Variants in DSTYK observed in about 807,000 individuals in gnomAD.
The protein encoded by DSTYK is RIP-homologous kinase.
DSTYK carries 34 observed loss-of-function variants against 98.7 expected under a neutral mutation model. The observed-to-expected ratio is 0.34, with a 90% CI of 0.26 to 0.46. The LOEUF is 0.46. Ranked by LOEUF, DSTYK falls within the 20% of genes least tolerant of loss-of-function variation. The pLI is 1.00. For synonymous variants in DSTYK, 462 were observed against 457.3 expected, an observed-to-expected ratio of 1.01 and a Z score of -0.13; for missense variants, 962 against 1,181.7, an observed-to-expected ratio of 0.81 and a Z score of 2.73.
Position 205,157,312 on chromosome 1 carries a change from C to T in DSTYK, c.2313G>A (p.Gln771=). Reference sequence around the variant, plus strand: ...GTTTGATATCACGATGGACAAGTCCCTGGCTGTGCAGGAAGCGGATTCCCT... The same window carrying T: ...GTTTGATATCACGATGGACAAGTCCTTGGCTGTGCAGGAAGCGGATTCCCT... The part of the protein sequence containing the change: ...VVEGIRFLHS[Q]GLVHRDIKLK... Residue 771 remains glutamine, a synonymous_variant, in exon 10 of 13, where the codon CAG becomes CAA. Coordinates refer to ENST00000367162, the MANE Select transcript of DSTYK (RefSeq NM_015375.3). 3 of 1,614,128 alleles carry T rather than the reference C, an allele frequency of 1.9e-6. No homozygotes were observed. The highest frequency in any genetic ancestry group is 2.2e-5 in the South Asian group (2 of 91,076).
intron 1 of DSTYK, 136 bp from the exon 2 acceptor site, chr1:205,187,942 T>C: frequency 1.2e-6 from 1 of 837,650 alleles, no homozygotes; most frequent in South Asian, 1.9e-5. Context: ...GGAACCTTGG[T>C]TGAAGGACAT....
chr1:205,165,157 G>A (rs912252976), intron 3 of DSTYK, among the ~76,000 whole-genome samples: 22 of 151,970 alleles, frequency 1.4e-4, no homozygotes, highest in African/African-American at 5.1e-4. Context: ...GCAGTGGCAC[G>A]ATCTCGGCTC....
In DSTYK at chr1:205,155,830, T is replaced by C. The variant is rs1201686413; in HGVS notation, c.2352+1443A>G. On this transcript the variant is annotated intron_variant, in intron 10 of 12. Transcript: ENST00000367162. Reference sequence around the variant, plus strand: ...CAGAGACCTTAACAGCAGCCCCTCCTATGACAGGCCTGGAGGTCTAGGAGG... The same window carrying C: ...CAGAGACCTTAACAGCAGCCCCTCCCATGACAGGCCTGGAGGTCTAGGAGG... Among the ~76,000 whole-genome samples, 6 of 152,188 alleles carry C rather than the reference T, an allele frequency of 3.9e-5. No individual in the cohort carries two copies. In the East Asian group the frequency reaches 1.2e-3, roughly 29 times the overall value.
Position 205,148,312 on chromosome 1 carries a change from T to C in DSTYK, c.2495A>G (p.Tyr832Cys). Residue 832 changes from tyrosine (Y) to cysteine (C), a missense_variant, in exon 12 of 13, where the codon TAC becomes TGC. By Grantham distance (194) the Tyr-to-Cys change is radical. Coordinates refer to ENST00000367162, the MANE Select transcript of DSTYK (RefSeq NM_015375.3). ...ATACCAGAAAAGAATTCCAAAAGCG[T>C]AGACATCCACGGAATTATCGTACTT... ...TGKYDNSVDV[Y>C]AFGILFWYIC... is the part of the protein sequence containing the mutation. The C allele has an allele frequency of 6.2e-7, 1 of 1,614,010 alleles. No individual in the cohort carries two copies. Among genetic ancestry groups the C allele is most frequent in the Non-Finnish European group, 8.5e-7 (1 of 1,179,996 alleles).
At chr1:205,204,066 G>A (rs907684332) in intron 1 of DSTYK, among the ~76,000 whole-genome samples, 1 of 152,224 alleles carries the variant, frequency 6.6e-6, no homozygotes, top group African/African-American at 2.4e-5. Context: ...GGGAGCAGGA[G>A]ATAGCAAGAT....
intron 10 of DSTYK, among the ~76,000 whole-genome samples, chr1:205,152,264 G>A (rs963283879): frequency 5.9e-5 from 9 of 152,134 alleles, no homozygotes; most frequent in African/African-American, 2.2e-4. Flanking sequence ...CGCAACCTCT[G>A]CCTCCCGGGT....
At chr1:205,196,225 A>G (rs1658862289) in intron 1 of DSTYK, among the ~76,000 whole-genome samples, 1 of 152,174 alleles carries the variant, frequency 6.6e-6, no homozygotes, top group African/African-American at 2.4e-5. Context: ...TTTACAGTAG[A>G]CTACAACTAA....
chr1:205,183,824 G>C (rs1658489621), intron 2 of DSTYK, among the ~76,000 whole-genome samples: 1 of 152,200 alleles, frequency 6.6e-6, no homozygotes, highest in African/African-American at 2.4e-5. Flanking sequence ...TGAGAGGGCA[G>C]TGCTTGGATT....
chr1:205,202,733 C>A, intron 1 of DSTYK: 1 of 758,334 alleles, frequency 1.3e-6, no homozygotes, highest in Non-Finnish European at 2.3e-6. Flanking sequence ...AAACTTATGA[C>A]ACAGGAGTAA....
Position 205,169,337 on chromosome 1 carries a change from G to T in DSTYK, c.1150C>A (p.Leu384Met). The T allele has an allele frequency of 1.2e-6, 2 of 1,614,188 alleles. No individual in the cohort carries two copies. The highest frequency in any genetic ancestry group is 1.7e-6 in the Non-Finnish European group (2 of 1,180,038). ...TCCAGACGTTTGGGAGTGATCTGCA[G>T]GTCCCGCTGCATGTCAAATGCCTGG... Reference protein sequence around the residue: ...INQAFDMQRDLQITPKRLEYT... With the variant: ...INQAFDMQRDMQITPKRLEYT... Residue 384 changes from leucine (L) to methionine (M), a missense_variant, in exon 3 of 13, where the codon CTG (leucine) becomes ATG (methionine). Around this residue, in one of 4 missense-constraint regions of DSTYK, gnomAD observed 660 missense variants for 855.0 expected, o/e 0.77. Transcript: ENST00000367162. The surrounding 1 kb of genome is among the most constrained non-coding windows in gnomAD (Gnocchi z 4.0).
Position 205,169,510 on chromosome 1 carries a change from T to A in DSTYK, c.977A>T (p.Asp326Val). Residue 326 changes from aspartate to valine, a missense_variant, in exon 3 of 13, where the codon GAT becomes GTT. By Grantham distance (152) the Asp-to-Val change is radical (BLOSUM62 -3). Coordinates refer to ENST00000367162, the MANE Select transcript of DSTYK (RefSeq NM_015375.3). The surrounding 1 kb of genome is among the most constrained non-coding windows in gnomAD (Gnocchi z 4.0). ...CACCAACATGCTCTGAGCTTTAGTA[T>A]CCTGGCCAGGAGCCCCACAGTTCCA... The part of the protein sequence containing the change: ...SHWNCGAPGQ[D>V]TKAQSMLVEQ... 6.2e-7 allele frequency: 1 copy of A among 1,614,136 alleles called. No individual in the cohort carries two copies. Among genetic ancestry groups the A allele is most frequent in the Non-Finnish European group, 8.5e-7 (1 of 1,180,032 alleles).
intron 1 of DSTYK, among the ~76,000 whole-genome samples, chr1:205,207,755 C>CAAAAAAAAAAAAAAAAAAAAAAAAAAAAA (rs766036213): frequency 1.9e-5 from 1 of 52,728 alleles, no homozygotes; most frequent in Non-Finnish European, 3.1e-5. Flanking sequence ...GACTCTGTCT[C>CAAAAAAAAAAAAAAAAAAAAAAAAAAAAA]AAAAAAAAAA....
Position 205,150,584 on chromosome 1 carries a change from C to T in DSTYK, c.2467+96G>A. ...GGTTTCTCCCTTGCCTGTGCCAGAC[C>T]TGCCAGTAGTGATTGTGGAAACGAG... On this transcript the variant is annotated intron_variant, in intron 11 of 12. Transcript: ENST00000367162. The surrounding 1 kb of genome is among the most constrained non-coding windows in gnomAD (Gnocchi z 4.1). The T allele has an allele frequency of 2.0e-6, 2 of 978,430 alleles. No homozygotes were observed. The highest frequency in any genetic ancestry group is 3.1e-6 in the Non-Finnish European group (2 of 635,478). The allele number at this position is 978,430 out of a possible 1,614,324, so 60.6% of individuals were successfully genotyped here.
At chr1:205,197,985 G>C (rs2102469659) in intron 1 of DSTYK, among the ~76,000 whole-genome samples, 1 of 152,276 alleles carries the variant, frequency 6.6e-6, no homozygotes, top group African/African-American at 2.4e-5. Context: ...CCTGAGGTCG[G>C]GAGTTTGAGA....
Position 205,161,516 on chromosome 1 carries a change from T to C in DSTYK, c.1819-129A>G, listed in dbSNP as rs1390419583. On this transcript the variant is annotated intron_variant, in intron 6 of 12. Coordinates refer to ENST00000367162, the MANE Select transcript of DSTYK (RefSeq NM_015375.3). ...AGAATTAAACAAGATACATGTAACATGTTTAGCACAGAGACTGGCACAGAG... is the reference window on the plus strand; with the variant it reads ...AGAATTAAACAAGATACATGTAACACGTTTAGCACAGAGACTGGCACAGAG... 6.0e-6 allele frequency: 6 copies of C among 1,001,870 alleles called. No individual in the cohort carries two copies. The African/African-American group carries it at 9.8e-5, about 16-fold the overall frequency. 62.1% of individuals were successfully genotyped at this position (1,001,870 alleles called of 1,614,324 possible). A position where few individuals can be genotyped will look rare whatever the true frequency, so the allele number is the denominator to read the frequency against.
intron 3 of DSTYK, among the ~76,000 whole-genome samples, chr1:205,165,690 G>A (rs1003343393): frequency 4.6e-5 from 7 of 152,144 alleles, no homozygotes; most frequent in African/African-American, 7.2e-5. Context: ...TTTGCTTCTA[G>A]GAATTCTTTT....
At position 205,160,326 on chromosome 1, in the gene DSTYK, C is replaced by T. The variant is rs1318649488; in HGVS notation, c.1949-56G>A. On this transcript the variant is annotated intron_variant, in intron 7 of 12. Transcript: ENST00000367162. ...GAGGAATGGGAACTTCGTGGGCAAC[C>T]TCTGTAAGATTCTTTTTTTTTTTTT... 1.4e-5 allele frequency: 21 copies of T among 1,505,324 alleles called. No homozygotes were observed. In the Admixed American group the frequency reaches 2.0e-4, roughly 15 times the overall value. 93.2% of individuals were successfully genotyped at this position (1,505,324 alleles called of 1,614,324 possible).
chr1:205,210,910 C>T (rs1558632140), intron 1 of DSTYK, among the ~76,000 whole-genome samples: 1 of 152,256 alleles, frequency 6.6e-6, no homozygotes, highest in East Asian at 1.9e-4. Context: ...CGCACGCGCC[C>T]GCCCCCAACT....
chr1:205,158,892 A>C (rs1463668362), intron 9 of DSTYK, among the ~76,000 whole-genome samples: 1 of 152,202 alleles, frequency 6.6e-6, no homozygotes, highest in Admixed American at 6.5e-5. Flanking sequence ...TCACTAATAA[A>C]TATCTGTTGA....
Sources: allele counts gnomAD v4.1 joint callset (sites outside exome capture counted in the v4.1 genomes callset), GRCh38; gene constraint gnomAD v4.1.1; regional missense constraint gnomAD v4.1.1; non-coding constraint Gnocchi (gnomAD v3.1); transcripts MANE v1.5; gene names NCBI Gene and HGNC (gene_info 2026-07-23, HGNC 2026-07-21).